AK7: variants seen among roughly 807,000 people sequenced by gnomAD.
AK7 encodes adenylate kinase 7.
AK7 carries 78 observed loss-of-function variants against 96.6 expected under a neutral mutation model. The observed-to-expected ratio is 0.81, with a 90% CI of 0.67 to 0.97. The LOEUF is 0.97. AK7 is among the 50% of genes least tolerant of loss of function. The pLI is 0.00. For synonymous variants in AK7, 302 were observed against 317.2 expected (o/e 0.95, Z 0.51); for missense variants, 855 against 887.9 (o/e 0.96, Z 0.47).
chr14:96,449,714 G>A (rs778778422), intron 8 of AK7, 88 bp from the exon 9 acceptor site: 15 of 964,302 alleles, frequency 1.6e-5, no homozygotes, highest in Non-Finnish European at 1.9e-5. Flanking sequence ...GATTACAGGC[G>A]TGAGCCACTG....
chr14:96,453,055 T>C (rs1394430085), intron 10 of AK7, among the ~76,000 whole-genome samples: 2 of 152,184 alleles, frequency 1.3e-5, no homozygotes, highest in African/African-American at 4.8e-5. Flanking sequence ...TTGGAGGGAA[T>C]GCTCCACATA....
intron 12 of AK7, among the ~76,000 whole-genome samples, chr14:96,467,281 A>G (rs1894622214): frequency 1.3e-5 from 2 of 151,792 alleles, no homozygotes; most frequent in South Asian, 4.1e-4. Flanking sequence ...TATTAATTAG[A>G]TCAAATTGAA....
At chr14:96,425,289 G>A (rs1299579730) in intron 5 of AK7, among the ~76,000 whole-genome samples, 1 of 152,186 alleles carries the variant, frequency 6.6e-6, no homozygotes, top group Non-Finnish European at 1.5e-5. Context: ...GAGGCTGGTT[G>A]TCAAGTGGTT....
At position 96,452,267 on chromosome 14, in the gene AK7, G is replaced by T. The variant is rs149906666; in HGVS notation, c.1098+697G>T. 3.4e-3 allele frequency among the ~76,000 whole-genome samples: 516 copies of T among 152,190 alleles called. 5 individuals carry two copies. Among genetic ancestry groups the T allele is most frequent in the African/African-American group, 0.012 (496 of 41,514 alleles). ...TTATCATTTTTTATGGTGAAAGGTG[G>T]ATATTCTTATCTATATAGTATAGAT... is the stretch of plus-strand genomic sequence containing the variant. On this transcript the variant is annotated intron_variant, in intron 10 of 17. Transcript: ENST00000267584.
At chr14:96,473,602 T>C (rs757192489) in intron 14 of AK7, among the ~76,000 whole-genome samples, 12 of 151,222 alleles carry the variant, frequency 7.9e-5, no homozygotes, top group Non-Finnish European at 1.5e-4. Flanking sequence ...TTAGGAAAAA[T>C]ATTAAAAGAC....
At chr14:96,485,931 G>A (rs1895744719) in intron 16 of AK7, among the ~76,000 whole-genome samples, 1 of 152,010 alleles carries the variant, frequency 6.6e-6, no homozygotes, top group African/African-American at 2.4e-5. Context: ...GAGTAGCTGG[G>A]ACTACAGGTG....
chr14:96,443,852 C>T (rs1374535403), intron 7 of AK7, among the ~76,000 whole-genome samples: 2 of 148,292 alleles, frequency 1.3e-5, no homozygotes, highest in African/African-American at 2.5e-5. Flanking sequence ...CGGTTCACCG[C>T]AAGCTCTACC....
At chr14:96,415,085 G>C (rs1339731585) in intron 4 of AK7, among the ~76,000 whole-genome samples, 1 of 151,878 alleles carries the variant, frequency 6.6e-6, no homozygotes, top group African/African-American at 2.4e-5. Flanking sequence ...GAAACAAAAA[G>C]AGGAGCAGAA....
Position 96,404,811 on chromosome 14 carries a change from T to A in AK7, c.349T>A (p.Tyr117Asn), listed in dbSNP as rs774335781. 3 of 1,610,960 alleles carry A rather than the reference T, an allele frequency of 1.9e-6. No homozygotes were observed. In the Admixed American group the frequency reaches 5.0e-5, roughly 27 times the overall value. Residue 117 changes from tyrosine (Y) to asparagine (N), a missense_variant, in exon 3 of 18, where the codon TAT (tyrosine) becomes AAT (asparagine). Transcript: ENST00000267584. ...MRLLECDVII[Y>N]NITESSQQME... ...CCTGCTGGAGTGTGATGTTATTATT[T>A]ATAACATCACTGAGAGCTCACAGCA...
chr14:96,396,238 A>C (rs910603331), intron 1 of AK7, among the ~76,000 whole-genome samples: 1 of 152,218 alleles, frequency 6.6e-6, no homozygotes. Flanking sequence ...TTTCAATAAC[A>C]GAATTTTCTA....
intron 2 of AK7, chr14:96,398,941 CT>C (rs1293961785): frequency 2.0e-5 from 3 of 152,212 alleles, no homozygotes; most frequent in African/African-American, 7.2e-5. Context: ...TACCATACAG[CT>C]TTCCACATGC....
At chr14:96,487,422 C>T (rs1895837987) in intron 17 of AK7, among the ~76,000 whole-genome samples, 1 of 140,818 alleles carries the variant, frequency 7.1e-6, no homozygotes, top group Non-Finnish European at 1.5e-5. Flanking sequence ...AAAAAAAAAT[C>T]TGCCTGAATC....
intron 12 of AK7, among the ~76,000 whole-genome samples, chr14:96,467,288 T>A (rs926874597): frequency 1.3e-5 from 2 of 151,712 alleles, no homozygotes; most frequent in Non-Finnish European, 2.9e-5. Context: ...TAGATCAAAT[T>A]GAAGATTCCA....
rs1272611774 is a variant in AK7 at position 96,461,989 on chromosome 14, C to T, written c.1357+3777C>T. On this transcript the variant is annotated intron_variant, in intron 12 of 17. Coordinates refer to ENST00000267584, the MANE Select transcript of AK7 (RefSeq NM_152327.5). The stretch of plus-strand genomic sequence containing the variant: ...TTAAGTACCAACTGAGCTCTTTTCA[C>T]GCTTGGGGAGGTGACCACACAGAAC... Among the ~76,000 whole-genome samples the T allele has an allele frequency of 5.3e-5, 8 of 152,288 alleles. No homozygotes were observed. The South Asian group carries it at 6.2e-4, about 12-fold the overall frequency.
chr14:96,484,238 T>C (rs1349342944), intron 16 of AK7, among the ~76,000 whole-genome samples: 4 of 152,024 alleles, frequency 2.6e-5, no homozygotes, highest in Admixed American at 1.3e-4. Flanking sequence ...TGAGACCCTG[T>C]CTCAAAAAAC....
rs1293960246 is a variant in AK7, at chr14:96,423,998, G to A, written c.609+3066G>A. The A allele has an allele frequency of 3.6e-6, 3 of 830,984 alleles. No homozygotes were observed. In the South Asian group the frequency reaches 4.0e-5, roughly 11 times the overall value. The allele number at this position is 830,984 out of a possible 1,614,324, so 51.5% of individuals were successfully genotyped here. On this transcript the variant is annotated intron_variant, in intron 5 of 17. Coordinates refer to ENST00000267584, the MANE Select transcript of AK7 (RefSeq NM_152327.5). ...CTGTATTGGGGATCCTTCCTGCTTG[G>A]AGCATCCGGGTCTGTCAAGACCCAG...
chr14:96,469,878 T>A (rs1894788528), intron 12 of AK7, among the ~76,000 whole-genome samples: 1 of 152,098 alleles, frequency 6.6e-6, no homozygotes, highest in African/African-American at 2.4e-5. Flanking sequence ...AGTGCAATGG[T>A]GCGATCTTGG....
chr14:96,419,788 TC>T (rs199728788), intron 4 of AK7, among the ~76,000 whole-genome samples: 2,033 of 138,212 alleles, frequency 0.015, 159 homozygotes, highest in African/African-American at 0.046. Context: ...TTCTTTCTTT[TC>T]TTTTTTTTTT....
chr14:96,393,038 G>A (rs984184980), intron 1 of AK7, among the ~76,000 whole-genome samples: 3 of 152,116 alleles, frequency 2.0e-5, no homozygotes, highest in Admixed American at 2.0e-4. Flanking sequence ...TGGTTTTTGA[G>A]CATCTATTAT....
Sources: allele counts gnomAD v4.1 joint callset (sites outside exome capture counted in the v4.1 genomes callset), GRCh38; gene constraint gnomAD v4.1.1; transcripts MANE v1.5; gene names NCBI Gene and HGNC (gene_info 2026-07-23, HGNC 2026-07-21).